Variants in MTPN observed in about 807,000 individuals in gnomAD.
MTPN encodes the protein granule cell differentiation protein.
In MTPN, 2 loss-of-function variants were observed where a neutral mutation model predicts 13.5. The ratio of observed to expected loss-of-function variants is 0.15; its 90% CI spans 0.06 to 0.47. MTPN has a LOEUF of 0.47. Among genes scored for constraint, MTPN ranks in the 20% least tolerant of loss-of-function variants. The pLI, the probability that MTPN is intolerant of heterozygous loss-of-function variation, is 0.97. For missense variants in MTPN, 79 were observed against 137.9 expected (o/e 0.57, Z 2.14); for synonymous variants, 46 against 51.7 (o/e 0.89, Z 0.48).
intron 3 of MTPN, among the ~76,000 whole-genome samples, chr7:135,933,488 G>C (rs796774679): frequency 1.2e-4 from 18 of 152,152 alleles, no homozygotes; most frequent in African/African-American, 4.1e-4. Flanking sequence ...TAATTTGCCA[G>C]CTTTTCTATT....
At chr7:135,963,188 A>G (rs1293143680) in intron 1 of MTPN, among the ~76,000 whole-genome samples, 1 of 152,034 alleles carries the variant, frequency 6.6e-6, no homozygotes, top group Admixed American at 6.6e-5. Context: ...TCCTTCCCCA[A>G]TGGGAATTCA....
intron 1 of MTPN, among the ~76,000 whole-genome samples, chr7:135,961,074 C>A (rs1202154037): frequency 6.6e-6 from 1 of 151,962 alleles, no homozygotes; most frequent in Non-Finnish European, 1.5e-5. Flanking sequence ...AAACACTATT[C>A]AAATTAAGAA....
At chr7:135,964,826 T>C (rs1056137229) in intron 1 of MTPN, among the ~76,000 whole-genome samples, 1 of 152,098 alleles carries the variant, frequency 6.6e-6, no homozygotes, top group African/African-American at 2.4e-5. Context: ...TATTATACAT[T>C]TTAATTTTTT....
intron 1 of MTPN, among the ~76,000 whole-genome samples, chr7:135,973,106 T>A (rs1799720279): frequency 1.3e-5 from 2 of 150,422 alleles, no homozygotes; most frequent in Non-Finnish European, 3.0e-5. Context: ...TATTAATATT[T>A]TAAGGGCAGT....
intron 1 of MTPN, chr7:135,960,613 C>G (rs556085839): frequency 2.0e-5 from 3 of 151,624 alleles, no homozygotes; most frequent in East Asian, 3.9e-4. Context: ...ATTCTTTCCT[C>G]TAAAATGTAG....
chr7:135,942,967 A>G (rs1232053939), intron 3 of MTPN, among the ~76,000 whole-genome samples: 1 of 152,240 alleles, frequency 6.6e-6, no homozygotes, highest in Non-Finnish European at 1.5e-5. Flanking sequence ...AAACCTATCA[A>G]AACAGTCTAA....
At chr7:135,951,476 A>T in intron 2 of MTPN, 41 bp downstream of exon 2, 1 of 1,353,154 alleles carries the variant, frequency 7.4e-7, no homozygotes, top group Non-Finnish European at 1.0e-6. Flanking sequence ...ATAGCATATT[A>T]ACAGAAAATT....
At chr7:135,949,020 C>A (rs569950972) in intron 3 of MTPN, among the ~76,000 whole-genome samples, 1 of 152,104 alleles carries the variant, frequency 6.6e-6, no homozygotes, top group Non-Finnish European at 1.5e-5. Flanking sequence ...AAAGCCAATG[C>A]TGAGGAAGAG....
intron 3 of MTPN, among the ~76,000 whole-genome samples, chr7:135,935,546 A>G (rs1178317689): frequency 6.6e-6 from 1 of 152,164 alleles, no homozygotes; most frequent in Non-Finnish European, 1.5e-5. Context: ...GGCCTTTTTT[A>G]TTACACAACT....
At chr7:135,974,380 C>T (rs1010539949) in intron 1 of MTPN, among the ~76,000 whole-genome samples, 1 of 152,038 alleles carries the variant, frequency 6.6e-6, no homozygotes, top group Non-Finnish European at 1.5e-5. Context: ...CCAGTCTCTA[C>T]AAAAAATAAA....
chr7:135,935,979 C>A (rs1466452396), intron 3 of MTPN, among the ~76,000 whole-genome samples: 2 of 152,126 alleles, frequency 1.3e-5, no homozygotes, highest in Admixed American at 6.5e-5. Flanking sequence ...ATCCCCTTAA[C>A]TTCCAAGACC....
chr7:135,950,768 T>TAA, intron 2 of MTPN, 86 bp from the exon 3 acceptor site: 1 of 1,035,966 alleles, frequency 9.7e-7, no homozygotes, highest in Non-Finnish European at 1.5e-6. Flanking sequence ...TTTCTAGATT[T>TAA]ACCTATTTGC....
At chr7:135,937,252 T>C (rs1335609699) in intron 3 of MTPN, among the ~76,000 whole-genome samples, 1 of 152,124 alleles carries the variant, frequency 6.6e-6, no homozygotes, top group South Asian at 2.1e-4. Context: ...GTTATACTGA[T>C]AAATTGACAG....
intron 3 of MTPN, among the ~76,000 whole-genome samples, chr7:135,942,180 T>C (rs1208018364): frequency 6.6e-6 from 1 of 152,094 alleles, no homozygotes; most frequent in Non-Finnish European, 1.5e-5. Flanking sequence ...TGAGCTACTG[T>C]GCCCGGCCGC....
At chr7:135,971,241 C>T (rs1454532191) in intron 1 of MTPN, among the ~76,000 whole-genome samples, 1 of 151,964 alleles carries the variant, frequency 6.6e-6, no homozygotes, top group Non-Finnish European at 1.5e-5. Context: ...GCTTCTATTT[C>T]ACAGCAAGTG....
chr7:135,971,132 T>A (rs1020515022), intron 1 of MTPN, among the ~76,000 whole-genome samples: 1 of 152,088 alleles, frequency 6.6e-6, no homozygotes, highest in African/African-American at 2.4e-5. Flanking sequence ...TGGTGCACAA[T>A]TGTTGCTTTT....
chr7:135,963,225 T>TTTA (rs1241645199), intron 1 of MTPN, among the ~76,000 whole-genome samples: 1 of 152,062 alleles, frequency 6.6e-6, no homozygotes, highest in African/African-American at 2.4e-5. Flanking sequence ...CAGTGTTTAA[T>TTTA]ATTTAAAAAA....
intron 3 of MTPN, among the ~76,000 whole-genome samples, chr7:135,939,422 A>G (rs933419698): frequency 4.6e-5 from 7 of 151,986 alleles, no homozygotes; most frequent in African/African-American, 1.2e-4. Context: ...GAGGTTGAAA[A>G]TAAGTGAAAT....
At chr7:135,943,796 G>C (rs1315594988) in intron 3 of MTPN, among the ~76,000 whole-genome samples, 1 of 152,118 alleles carries the variant, frequency 6.6e-6, no homozygotes, top group East Asian at 1.9e-4. Flanking sequence ...GAGAAAAAAA[G>C]GAAAACAAAA....
Sources: gnomAD v4.1 joint callset for allele counts (sites outside exome capture counted in the v4.1 genomes callset) on GRCh38, gnomAD v4.1.1 for gene constraint, MANE v1.5 for transcripts, NCBI Gene and HGNC (gene_info 2026-07-23, HGNC 2026-07-21) for gene names.